The following IL1R1 variants were observed in gnomAD, a reference collection of about 807,000 sequenced individuals.
The protein encoded by IL1R1 is interleukin 1 receptor type 1.
Under a neutral mutation model 50.2 loss-of-function variants are expected in IL1R1, and 22 were observed. The ratio of observed to expected loss-of-function variants is 0.44; its 90% confidence interval spans 0.31 to 0.63. The LOEUF is 0.63. Ranked by LOEUF, IL1R1 falls within the 20% of genes least tolerant of loss-of-function variation. The probability of loss-of-function intolerance (pLI) is 0.07; values close to 1 mark genes in which losing one functional copy is unlikely to be tolerated. For synonymous variants in IL1R1, 251 were observed against 236.7 expected (o/e 1.06, Z -0.55); for missense variants, 509 against 676.2 (o/e 0.75, Z 2.74).
intron 1 of IL1R1, among the ~76,000 whole-genome samples, chr2:102,149,418 G>A (rs1558640): frequency 0.16 from 24,196 of 152,144 alleles, 2,097 homozygotes; most frequent in East Asian, 0.25. Context: ...ATTTACTGCC[G>A]TCTGTTCTCT....
intron 1 of IL1R1, among the ~76,000 whole-genome samples, chr2:102,081,171 C>A (rs547341016): frequency 6.6e-6 from 1 of 152,094 alleles, no homozygotes; most frequent in East Asian, 1.9e-4. Flanking sequence ...ATACTGAAAC[C>A]CTTTGAATTG....
At chr2:102,086,611 T>C (rs1679441882) in intron 1 of IL1R1, among the ~76,000 whole-genome samples, 1 of 152,138 alleles carries the variant, frequency 6.6e-6, no homozygotes, top group Non-Finnish European at 1.5e-5. Flanking sequence ...CAACAGACTT[T>C]TTTTCTTTGT....
At chr2:102,123,599 A>G (rs1309163169) in intron 1 of IL1R1, among the ~76,000 whole-genome samples, 2 of 151,922 alleles carry the variant, frequency 1.3e-5, no homozygotes, top group African/African-American at 4.8e-5. Context: ...AACATGGCGA[A>G]ACCCCACCTC....
chr2:102,082,309 C>T (rs1010263683), intron 1 of IL1R1, among the ~76,000 whole-genome samples: 2 of 151,734 alleles, frequency 1.3e-5, no homozygotes, highest in African/African-American at 4.8e-5. Context: ...ATATATTTGC[C>T]ATGTGATCCA....
intron 1 of IL1R1, among the ~76,000 whole-genome samples, chr2:102,086,409 T>C (rs1402949996): frequency 6.6e-6 from 1 of 152,226 alleles, no homozygotes; most frequent in Non-Finnish European, 1.5e-5. Flanking sequence ...TTGCTTATGA[T>C]GTGCTTTCTT....
intron 6 of IL1R1, among the ~76,000 whole-genome samples, chr2:102,166,883 T>C (rs1685225605): frequency 6.6e-6 from 1 of 152,114 alleles, no homozygotes; most frequent in African/African-American, 2.4e-5. Flanking sequence ...AATTAATAGG[T>C]GTAGGATGAT....
chr2:102,105,370 T>C (rs1680343531), intron 1 of IL1R1, among the ~76,000 whole-genome samples: 1 of 152,162 alleles, frequency 6.6e-6, no homozygotes. Context: ...TTAATTTATT[T>C]TTTATTTTGT....
At chr2:102,110,598 A>G (rs562908062) in intron 1 of IL1R1, among the ~76,000 whole-genome samples, 2 of 151,066 alleles carry the variant, frequency 1.3e-5, no homozygotes, top group Non-Finnish European at 2.9e-5. Context: ...AAATTTTCCT[A>G]TCTCGTATCA....
intron 1 of IL1R1, among the ~76,000 whole-genome samples, chr2:102,072,383 A>C (rs1276980864): frequency 6.6e-6 from 1 of 152,218 alleles, no homozygotes; most frequent in Non-Finnish European, 1.5e-5. Flanking sequence ...ATAGGTTTTA[A>C]AAGTTTGGCG....
At chr2:102,151,191 C>T (rs933272188) in intron 1 of IL1R1, among the ~76,000 whole-genome samples, 7 of 152,074 alleles carry the variant, frequency 4.6e-5, no homozygotes, top group Non-Finnish European at 1.0e-4. Flanking sequence ...CAGGGTCATC[C>T]CCACCCCTCA....
chr2:102,100,554 G>A (rs971609636), upstream of IL1R1, among the ~76,000 whole-genome samples: 1 of 152,176 alleles, frequency 6.6e-6, no homozygotes, highest in African/African-American at 2.4e-5. Flanking sequence ...TAAGTTCACA[G>A]CATTTAACTG....
chr2:102,075,807 G>A (rs1169532410), intron 1 of IL1R1, among the ~76,000 whole-genome samples: 2 of 152,202 alleles, frequency 1.3e-5, no homozygotes, highest in Non-Finnish European at 2.9e-5. Context: ...GTGGCTATGA[G>A]GAGCCATTTA....
chr2:102,099,561 G>C (rs1260262143), intron 1 of IL1R1, among the ~76,000 whole-genome samples: 2 of 152,164 alleles, frequency 1.3e-5, no homozygotes, highest in African/African-American at 4.8e-5. Flanking sequence ...GCCTGTGGGA[G>C]AGCCTAGCTG....
chr2:102,108,397 T>C (rs1680545732), intron 1 of IL1R1, among the ~76,000 whole-genome samples: 1 of 152,158 alleles, frequency 6.6e-6, no homozygotes, highest in African/African-American at 2.4e-5. Flanking sequence ...AAACCAGCCA[T>C]CCTCCTCCTA....
upstream of IL1R1, among the ~76,000 whole-genome samples, chr2:102,102,546 A>C (rs1322186525): frequency 6.6e-6 from 1 of 152,180 alleles, no homozygotes; most frequent in Non-Finnish European, 1.5e-5. Context: ...GGGAATGCTT[A>C]TATTCTGCTT....
At chr2:102,085,174 C>T (rs1679381045) in intron 1 of IL1R1, among the ~76,000 whole-genome samples, 1 of 152,180 alleles carries the variant, frequency 6.6e-6, no homozygotes, top group Non-Finnish European at 1.5e-5. Flanking sequence ...TGCTTCAACT[C>T]TGTGGATTGC....
chr2:102,161,871 T>C (rs1212691365), intron 3 of IL1R1, among the ~76,000 whole-genome samples: 2 of 151,990 alleles, frequency 1.3e-5, no homozygotes, highest in Admixed American at 1.3e-4. Flanking sequence ...GGCTGATTTT[T>C]TTTGTATTTT....
chr2:102,075,987 A>G (rs1678939490), intron 1 of IL1R1, among the ~76,000 whole-genome samples: 2 of 152,178 alleles, frequency 1.3e-5, no homozygotes, highest in South Asian at 2.1e-4. Context: ...GGTATGATAT[A>G]AGAACTTTAT....
intron 1 of IL1R1, among the ~76,000 whole-genome samples, chr2:102,119,843 A>G (rs2104389346): frequency 6.6e-6 from 1 of 152,334 alleles, no homozygotes; most frequent in Non-Finnish European, 1.5e-5. Flanking sequence ...GCAAACTTCA[A>G]GTGTACGATA....
Sources: allele counts gnomAD v4.1 joint callset (sites outside exome capture counted in the v4.1 genomes callset), GRCh38; gene constraint gnomAD v4.1.1; transcripts MANE v1.5; gene names NCBI Gene and HGNC (gene_info 2026-07-23, HGNC 2026-07-21).